Variants in AKNA observed in about 807,000 individuals in gnomAD.
AKNA encodes the protein AT-hook transcription factor.
In AKNA, 67 loss-of-function variants were observed where a neutral mutation model predicts 138.8. The observed-to-expected ratio is 0.48, with a 90% CI of 0.40 to 0.59. The LOEUF (loss-of-function observed/expected upper bound fraction) is 0.59. AKNA is among the 20% of genes least tolerant of loss of function. AKNA has a pLI of 0.00. For missense variants in AKNA, 1,813 were observed against 1,880.4 expected, an observed-to-expected ratio of 0.96 and a Z score of 0.66; for synonymous variants, 737 against 754.4, an observed-to-expected ratio of 0.98 and a Z score of 0.38.
At chr9:114,355,498 C>T (rs56739472) in intron 14 of AKNA, among the ~76,000 whole-genome samples, 15,392 of 152,152 alleles carry the variant, frequency 0.1, 2,522 homozygotes, top group African/African-American at 0.34. Flanking sequence ...TTCATGTGAC[C>T]GGCAGCGCAG....
chr9:114,332,986 A>T, downstream of AKNA: 1 of 1,587,672 alleles, frequency 6.3e-7, no homozygotes, highest in Non-Finnish European at 8.6e-7. Context: ...GCCAGAGCTC[A>T]TTCTGCCCTC....
At chr9:114,392,098 G>C (rs1377411433), upstream of AKNA, among the ~76,000 whole-genome samples, 6 of 82,106 alleles carry the variant, frequency 7.3e-5, no homozygotes, top group Admixed American at 7.7e-4. Context: ...AGAGTAAGAC[G>C]CTTGTCAAAA....
At chr9:114,352,522 G>C (rs1432097865) in intron 14 of AKNA, among the ~76,000 whole-genome samples, 3 of 152,094 alleles carry the variant, frequency 2.0e-5, no homozygotes, top group Non-Finnish European at 4.4e-5. Flanking sequence ...ACTTGAACCT[G>C]AGTGGTGGAG....
Position 114,376,542 on chromosome 9 carries a change from G to A in AKNA, c.1265C>T (p.Pro422Leu). 2 of 1,614,122 alleles carry A rather than the reference G, an allele frequency of 1.2e-6. No individual in the cohort carries two copies. The highest frequency in any genetic ancestry group is 1.7e-6 in the Non-Finnish European group (2 of 1,180,014). ...GGGTACCCTGGTGATAGGGTGGGCA[G>A]GAGGCGTGTCCTTTGCCAGGGCTGC... The part of the protein sequence containing the change: ...GEAALAKDTP[P>L]AHPITRVPQE... Residue 422 changes from proline (P) to leucine (L), a missense_variant, in exon 3 of 22, where the codon CCT becomes CTT. Physicochemically the swap from Pro to Leu is moderately conservative, Grantham distance 98. Transcript: ENST00000374088.
intron 1 of AKNA, among the ~76,000 whole-genome samples, chr9:114,384,003 T>C (rs1447123036): frequency 2.0e-5 from 3 of 152,196 alleles, no homozygotes; most frequent in Admixed American, 6.5e-5. Flanking sequence ...CCCTACCACA[T>C]GTGAAGAGCC....
upstream of AKNA, among the ~76,000 whole-genome samples, chr9:114,390,608 G>T (rs1834296946): frequency 6.6e-6 from 1 of 152,194 alleles, no homozygotes; most frequent in African/African-American, 2.4e-5. Context: ...GGTCTTCCAA[G>T]ATAAAAGTTC....
chr9:114,347,940 T>C, intron 15 of AKNA, 40 bp from the exon 16 acceptor site: 1 of 1,541,944 alleles, frequency 6.5e-7, no homozygotes, highest in Non-Finnish European at 8.7e-7. Context: ...AACAGAGGCA[T>C]GAGGAACAGA....
intron 11 of AKNA, 182 bp from the exon 12 acceptor site, chr9:114,358,349 A>T: frequency 1.4e-6 from 1 of 701,024 alleles, no homozygotes; most frequent in Non-Finnish European, 2.2e-6. Context: ...CCCCTCTCTC[A>T]ACCTCACTTT....
intron 4 of AKNA, among the ~76,000 whole-genome samples, chr9:114,372,125 C>G (rs1832810876): frequency 6.6e-6 from 1 of 152,216 alleles, no homozygotes; most frequent in African/African-American, 2.4e-5. Flanking sequence ...CATCCTGCTT[C>G]CTTCCGGTAG....
At chr9:114,366,629 GTA>G (rs1434419381) in intron 6 of AKNA, among the ~76,000 whole-genome samples, 1 of 148,862 alleles carries the variant, frequency 6.7e-6, no homozygotes, top group Non-Finnish European at 1.5e-5. Flanking sequence ...CAACCGCATG[GTA>G]TGTGAATTAT....
chr9:114,336,685 A>T lies in AKNA; in HGVS notation c.*369T>A, dbSNP rs1206388653. ...GGCCCCCTAAAGAGGACCCAAGATC[A>T]GGAAAACTCCCCAGTTTAAAAAAAT... On this transcript the variant is annotated 3_prime_UTR_variant, in exon 22 of 22. Coordinates refer to ENST00000374088, the MANE Select transcript of AKNA (RefSeq NM_001317950.2). 5 of 211,128 alleles carry T rather than the reference A, an allele frequency of 2.4e-5. No homozygotes were observed. The highest frequency in any genetic ancestry group is 1.9e-5 in the Non-Finnish European group (2 of 107,432). The allele number at this position is 211,128 out of a possible 1,614,324, so 13.1% of individuals were successfully genotyped here.
downstream of AKNA, among the ~76,000 whole-genome samples, chr9:114,331,087 C>G (rs1391516075): frequency 1.3e-5 from 2 of 152,086 alleles, no homozygotes; most frequent in African/African-American, 4.8e-5. Flanking sequence ...CAAGGTCACA[C>G]AGCTTATAAT....
In AKNA at chr9:114,380,349, G is replaced by T. The variant is rs187545895; in HGVS notation, c.274+711C>A. Among the ~76,000 whole-genome samples, 6 of 152,272 alleles carry T rather than the reference G, an allele frequency of 3.9e-5. No homozygotes were observed. The East Asian group carries it at 1.2e-3, about 29-fold the overall frequency. On this transcript the variant is annotated intron_variant, in intron 2 of 21. Coordinates refer to ENST00000374088, the MANE Select transcript of AKNA (RefSeq NM_001317950.2). Reference sequence around the variant, plus strand: ...GCCAATTAACCATGGAATATCCATGGAAGTCTAGGAATCACTTGTGGGAGA... The same window carrying T: ...GCCAATTAACCATGGAATATCCATGTAAGTCTAGGAATCACTTGTGGGAGA...
intron 4 of AKNA, among the ~76,000 whole-genome samples, chr9:114,370,304 C>T (rs551837997): frequency 6.6e-5 from 10 of 152,360 alleles, no homozygotes; most frequent in African/African-American, 2.4e-4. Context: ...TTCCTATCAG[C>T]ACCCCTCTCC....
At chr9:114,372,340 G>A (rs1437002908) in intron 4 of AKNA, among the ~76,000 whole-genome samples, 2 of 151,980 alleles carry the variant, frequency 1.3e-5, no homozygotes, top group East Asian at 1.9e-4. Context: ...ACATGGGGGG[G>A]ACCCTGAGTC....
chr9:114,382,793 G>C (rs1308946042), intron 1 of AKNA, among the ~76,000 whole-genome samples: 2 of 152,140 alleles, frequency 1.3e-5, no homozygotes, highest in African/African-American at 4.8e-5. Flanking sequence ...CTTGGAGAGT[G>C]AAAGCAGGCT....
chr9:114,367,469 A>G, intron 6 of AKNA, 74 bp downstream of exon 6: 1 of 1,552,044 alleles, frequency 6.4e-7, no homozygotes. Context: ...AGTGCCTCTC[A>G]CCCAAGCAGG....
intron 4 of AKNA, among the ~76,000 whole-genome samples, chr9:114,371,356 C>T (rs2132006903): frequency 6.6e-6 from 1 of 152,368 alleles, no homozygotes; most frequent in East Asian, 1.9e-4. Flanking sequence ...CTCTCTGTGC[C>T]TCAGCTTCCC....
chr9:114,331,421 G>C, downstream of AKNA: 6 of 636,028 alleles, frequency 9.4e-6, no homozygotes, highest in South Asian at 2.0e-5. Flanking sequence ...CACGCAGCAG[G>C]GGCTGGGCAC....
Sources: gnomAD v4.1 joint callset for allele counts (sites outside exome capture counted in the v4.1 genomes callset) on GRCh38, gnomAD v4.1.1 for gene constraint, MANE v1.5 for transcripts, NCBI Gene and HGNC (gene_info 2026-07-23, HGNC 2026-07-21) for gene names.